KCNH1: variants seen among roughly 807,000 people sequenced by gnomAD.
KCNH1 encodes potassium voltage-gated channel subfamily H member 1.
Under a neutral mutation model 69.2 loss-of-function variants are expected in KCNH1, and 27 were observed. The observed-to-expected ratio is 0.39, with a 90% CI of 0.29 to 0.54. The LOEUF (loss-of-function observed/expected upper bound fraction) is 0.54. Ranked by LOEUF, KCNH1 falls within the 20% of genes least tolerant of loss-of-function variation. The pLI, the probability that KCNH1 is intolerant of heterozygous loss-of-function variation, is 0.68. For missense variants in KCNH1, 798 were observed against 1,261.6 expected, an observed-to-expected ratio of 0.63 and a Z score of 5.57; for synonymous variants, 456 against 487.7, an observed-to-expected ratio of 0.93 and a Z score of 0.86.
At chr1:210,778,303 T>A (rs983614353) in intron 9 of KCNH1, among the ~76,000 whole-genome samples, 1 of 152,122 alleles carries the variant, frequency 6.6e-6, no homozygotes, top group African/African-American at 2.4e-5. Context: ...ATAGCCAGAA[T>A]ACACAGAATC....
chr1:211,000,367 T>G (rs184699804), intron 6 of KCNH1, among the ~76,000 whole-genome samples: 78 of 152,116 alleles, frequency 5.1e-4, no homozygotes, highest in Non-Finnish European at 9.0e-4. Context: ...TATACACCAC[T>G]AACAGACAAA....
intron 7 of KCNH1, among the ~76,000 whole-genome samples, chr1:210,917,682 T>C (rs1687376597): frequency 1.3e-5 from 2 of 152,212 alleles, no homozygotes; most frequent in Non-Finnish European, 1.5e-5. Context: ...GTATTTCGAC[T>C]GACAAAGTGG....
chr1:211,127,076 T>C (rs1350835822), intron 1 of KCNH1, among the ~76,000 whole-genome samples: 1 of 152,208 alleles, frequency 6.6e-6, no homozygotes, highest in African/African-American at 2.4e-5. Context: ...CAAAGCATGT[T>C]GGCCTCCGTC....
chr1:210,964,265 C>T (rs1021520557), intron 6 of KCNH1, among the ~76,000 whole-genome samples: 1 of 152,194 alleles, frequency 6.6e-6, no homozygotes, highest in Non-Finnish European at 1.5e-5. Context: ...CCAGGCCTGC[C>T]TTACAAGAGC....
intron 7 of KCNH1, among the ~76,000 whole-genome samples, chr1:210,831,250 T>A (rs992198894): frequency 6.6e-6 from 1 of 152,198 alleles, no homozygotes; most frequent in African/African-American, 2.4e-5. Flanking sequence ...ACTCAAAGCC[T>A]AAATAGGGGT....
At chr1:210,760,988 C>T (rs1028049984) in intron 10 of KCNH1, among the ~76,000 whole-genome samples, 25 of 152,088 alleles carry the variant, frequency 1.6e-4, no homozygotes, top group African/African-American at 5.8e-4. Context: ...CGCGGTGGCT[C>T]ACGCCTGTAA....
At chr1:210,991,949 C>T (rs147358086) in intron 6 of KCNH1, among the ~76,000 whole-genome samples, 1 of 152,246 alleles carries the variant, frequency 6.6e-6, no homozygotes, top group South Asian at 2.1e-4. Context: ...CATCAAGAGG[C>T]TCAAGCTCAA....
intron 10 of KCNH1, among the ~76,000 whole-genome samples, chr1:210,695,772 A>G (rs565702946): frequency 1.3e-5 from 2 of 152,292 alleles, no homozygotes; most frequent in Admixed American, 1.3e-4. Flanking sequence ...ATGAAGTGAG[A>G]CAGTGAGCCC....
intron 5 of KCNH1, among the ~76,000 whole-genome samples, chr1:211,075,003 G>A (rs927655008): frequency 3.3e-5 from 5 of 152,156 alleles, no homozygotes; most frequent in Admixed American, 1.3e-4. Context: ...AGTTAGCTAC[G>A]TAGAGAAAAT....
intron 3 of KCNH1, among the ~76,000 whole-genome samples, chr1:211,097,621 TACA>T (rs1238678789): frequency 6.6e-6 from 1 of 152,260 alleles, no homozygotes; most frequent in Non-Finnish European, 1.5e-5. Context: ...GATTTGGCTC[TACA>T]ACTAGACTGT....
At chr1:210,956,449 A>G (rs867112843) in intron 6 of KCNH1, among the ~76,000 whole-genome samples, 2 of 150,544 alleles carry the variant, frequency 1.3e-5, no homozygotes, top group Admixed American at 6.6e-5. Context: ...CTCTTTTTCT[A>G]TTGATTGGAA....
chr1:211,125,342 C>T (rs1036641034), intron 1 of KCNH1, among the ~76,000 whole-genome samples: 2 of 152,092 alleles, frequency 1.3e-5, no homozygotes, highest in South Asian at 2.1e-4. Flanking sequence ...CTATTCAGTA[C>T]CTTGGCCCAC....
chr1:210,996,052 G>A (rs562360303), intron 6 of KCNH1, among the ~76,000 whole-genome samples: 21 of 152,316 alleles, frequency 1.4e-4, no homozygotes, highest in South Asian at 8.3e-4. Context: ...AGCTCCCAGC[G>A]TGAGCGACGG....
In KCNH1 at chr1:210,938,780, T is replaced by TA. The variant is rs1312909692; in HGVS notation, c.1033-18712dup. Among the ~76,000 whole-genome samples, 6 of 152,228 alleles carry TA rather than the reference T, an allele frequency of 3.9e-5. No homozygotes were observed. In the East Asian group the frequency reaches 1.2e-3, roughly 29 times the overall value. On this transcript the variant is annotated intron_variant, in intron 6 of 10. Coordinates refer to ENST00000271751, the MANE Select transcript of KCNH1 (RefSeq NM_172362.3). ...AGATGAGTCACAACATCTTTATTAT[T>TA]AAAAAATTATCACTGTATAAAGTAT...
chr1:211,104,215 T>C (rs1656764674), intron 2 of KCNH1, among the ~76,000 whole-genome samples: 1 of 152,138 alleles, frequency 6.6e-6, no homozygotes, highest in African/African-American at 2.4e-5. Context: ...CCATGGGAAG[T>C]AATTTAATCT....
At chr1:210,965,625 A>G (rs1158928573) in intron 6 of KCNH1, among the ~76,000 whole-genome samples, 1 of 152,184 alleles carries the variant, frequency 6.6e-6, no homozygotes, top group Non-Finnish European at 1.5e-5. Context: ...GAGAACTCCC[A>G]TTCACAATTG....
rs138931464 is a variant in KCNH1, at chr1:210,683,924, G to C, written c.2327C>G (p.Ala776Gly). Residue 776 changes from alanine to glycine, a missense_variant, in exon 11 of 11, where the codon GCC becomes GGC. This residue lies in a region of KCNH1 where 331 missense variants were observed against 363.2 expected (regional missense o/e 0.91). Transcript: ENST00000271751. This position sits in a 1 kb window ranked among gnomAD's most constrained non-coding sequence, Gnocchi z 5.7. Reference protein sequence around the residue: ...VEKGNVLTEHASANHSLVKAS... With the variant: ...VEKGNVLTEHGSANHSLVKAS... The stretch of plus-strand genomic sequence containing the variant: ...CTTCACGAGGCTGTGGTTGGCGGAG[G>C]CATGCTCTGTAAGGACATTGCCCTT... The C allele has an allele frequency of 3.9e-4, 636 of 1,612,490 alleles. No homozygotes were observed. The highest frequency in any genetic ancestry group is 6.6e-4 in the Middle Eastern group (4 of 6,056).
Position 210,681,840 on chromosome 1 carries a change from T to C in KCNH1, c.*1441A>G, listed in dbSNP as rs1681274039. On this transcript the variant is annotated 3_prime_UTR_variant, in exon 11 of 11. Transcript: ENST00000271751. ...AGTATTTGGGGTCCTGACACCTCTC[T>C]CTAGGGCATATGCCCCGGCCAGCTC... The C allele has an allele frequency of 6.6e-6, 1 of 152,258 alleles. No individual in the cohort carries two copies. The highest frequency in any genetic ancestry group is 2.4e-5 in the African/African-American group (1 of 41,460). The allele number at this position is 152,258 out of a possible 1,614,324, so 9.4% of individuals were successfully genotyped here. A position where few individuals can be genotyped will look rare whatever the true frequency, so the allele number is the denominator to read the frequency against.
At chr1:210,834,685 T>TA (rs55784518) in intron 7 of KCNH1, among the ~76,000 whole-genome samples, 63,637 of 142,722 alleles carry the variant, frequency 0.45, 14,452 homozygotes, top group African/African-American at 0.6. Flanking sequence ...AAAGTATAAT[T>TA]AAAAAAAAAA....
Sources: allele counts gnomAD v4.1 joint callset (sites outside exome capture counted in the v4.1 genomes callset), GRCh38; gene constraint gnomAD v4.1.1; regional missense constraint gnomAD v4.1.1; non-coding constraint Gnocchi (gnomAD v3.1); transcripts MANE v1.5; gene names NCBI Gene and HGNC (gene_info 2026-07-23, HGNC 2026-07-21).